UNC5C: variants seen among roughly 807,000 people sequenced by gnomAD.
UNC5C encodes unc-5 netrin receptor C.
In UNC5C, 47 loss-of-function variants were observed where a neutral mutation model predicts 99.8. The observed-to-expected ratio is 0.47, with a 90% CI of 0.37 to 0.60. The LOEUF is 0.60. UNC5C is among the 20% of genes least tolerant of loss of function. The probability of loss-of-function intolerance (pLI) is 0.00; values close to 1 mark genes in which losing one functional copy is unlikely to be tolerated. For missense variants in UNC5C, 1,062 were observed against 1,165.9 expected (o/e 0.91, Z 1.30); for synonymous variants, 487 against 452.2 (o/e 1.08, Z -0.98).
chr4:95,486,242 G>C (rs1207794666), intron 1 of UNC5C, among the ~76,000 whole-genome samples: 3 of 151,642 alleles, frequency 2.0e-5, no homozygotes, highest in Non-Finnish European at 2.9e-5. Flanking sequence ...TGAAGTTACT[G>C]CATGTTCATC....
chr4:95,350,065 C>T (rs969791476), intron 1 of UNC5C, among the ~76,000 whole-genome samples: 5 of 152,032 alleles, frequency 3.3e-5, no homozygotes, highest in Non-Finnish European at 7.4e-5. Context: ...GTCTATTAGT[C>T]TAGTTATGTA....
intron 12 of UNC5C, among the ~76,000 whole-genome samples, chr4:95,191,091 G>T (rs1388454352): frequency 6.6e-6 from 1 of 152,160 alleles, no homozygotes; most frequent in Non-Finnish European, 1.5e-5. Flanking sequence ...GCTCTTAGAT[G>T]AGAGGATCTC....
intron 4 of UNC5C, among the ~76,000 whole-genome samples, chr4:95,269,711 A>AT (rs761307320): frequency 0.031 from 4,503 of 144,040 alleles, 173 homozygotes; most frequent in East Asian, 0.094. Context: ...GGCCTTGACA[A>AT]TTTTTTTTTT....
intron 12 of UNC5C, among the ~76,000 whole-genome samples, chr4:95,190,614 A>G (rs1737042789): frequency 1.3e-5 from 2 of 152,076 alleles, no homozygotes; most frequent in Non-Finnish European, 2.9e-5. Context: ...CACTGCGCCC[A>G]GCCCCCCTTG....
At chr4:95,174,452 T>C (rs1736252635) in intron 14 of UNC5C, among the ~76,000 whole-genome samples, 2 of 152,346 alleles carry the variant, frequency 1.3e-5, no homozygotes, top group South Asian at 4.1e-4. Context: ...GTCTTTGTTC[T>C]CGTTGGTTTC....
At chr4:95,528,328 A>G (rs2149492124) in intron 1 of UNC5C, among the ~76,000 whole-genome samples, 1 of 152,254 alleles carries the variant, frequency 6.6e-6, no homozygotes, top group South Asian at 2.1e-4. Flanking sequence ...GCTTAACTCT[A>G]TCAATTTTCG....
chr4:95,252,121 CAT>C (rs1210621130), intron 4 of UNC5C, among the ~76,000 whole-genome samples: 1 of 152,286 alleles, frequency 6.6e-6, no homozygotes, highest in African/African-American at 2.4e-5. Flanking sequence ...GATATATACT[CAT>C]ATTCACTTGA....
intron 1 of UNC5C, among the ~76,000 whole-genome samples, chr4:95,483,560 T>C (rs1474729115): frequency 1.3e-5 from 2 of 151,778 alleles, no homozygotes; most frequent in Admixed American, 1.3e-4. Context: ...TAAGAATGAA[T>C]TTAGTAAGGC....
chr4:95,285,047 A>G (rs1401020594), intron 3 of UNC5C, among the ~76,000 whole-genome samples: 1 of 152,226 alleles, frequency 6.6e-6, no homozygotes, highest in African/African-American at 2.4e-5. Flanking sequence ...TTAGCTAAGC[A>G]GGCAGGTTGT....
intron 1 of UNC5C, among the ~76,000 whole-genome samples, chr4:95,416,305 T>C (rs1746164172): frequency 6.6e-6 from 1 of 152,086 alleles, no homozygotes; most frequent in Non-Finnish European, 1.5e-5. Context: ...TACATCGTGA[T>C]GTGCACTGTA....
rs1446875500 is a variant in UNC5C at position 95,424,514 on chromosome 4, T to TTTTC, written c.125-88887_125-88884dup. ...ACAGGGCTTCAGAATTTTTTTTTTC[T>TTTTC]TTTCTTTTTTTTTTTTTTTTTTTTT... is the stretch of plus-strand genomic sequence containing the variant. On this transcript the variant is annotated intron_variant, in intron 1 of 15. Coordinates refer to ENST00000453304, the MANE Select transcript of UNC5C (RefSeq NM_003728.4). Among the ~76,000 whole-genome samples the TTTTC allele has an allele frequency of 3.8e-3, 479 of 125,500 alleles. 1 individual carries two copies. The highest frequency in any genetic ancestry group is 0.016 in the Middle Eastern group (4 of 250). The allele number at this position is 125,500 out of a possible 152,430, so 82.3% of individuals were successfully genotyped here. A position where few individuals can be genotyped will look rare whatever the true frequency, so the allele number is the denominator to read the frequency against.
chr4:95,514,980 G>A (rs921521059), intron 1 of UNC5C, among the ~76,000 whole-genome samples: 4 of 151,932 alleles, frequency 2.6e-5, no homozygotes, highest in African/African-American at 7.2e-5. Flanking sequence ...CCCTAAATGA[G>A]GAGATATTTA....
intron 1 of UNC5C, among the ~76,000 whole-genome samples, chr4:95,385,103 G>A (rs943182713): frequency 6.6e-6 from 1 of 152,104 alleles, no homozygotes; most frequent in African/African-American, 2.4e-5. Context: ...TCAACCATTA[G>A]AACAATTATG....
At chr4:95,403,327 T>A (rs1046801802) in intron 1 of UNC5C, among the ~76,000 whole-genome samples, 3 of 152,186 alleles carry the variant, frequency 2.0e-5, no homozygotes, top group African/African-American at 7.2e-5. Context: ...ATCTCGGGCA[T>A]GTTCTTGAAC....
chr4:95,238,043 A>C (rs3068188), intron 7 of UNC5C, among the ~76,000 whole-genome samples: 4,371 of 102,496 alleles, frequency 0.043, 85 homozygotes, highest in South Asian at 0.13. Context: ...TCTCTAAATA[A>C]ATACATACAT....
At chr4:95,361,545 A>T (rs1251900852) in intron 1 of UNC5C, among the ~76,000 whole-genome samples, 1 of 152,190 alleles carries the variant, frequency 6.6e-6, no homozygotes, top group East Asian at 1.9e-4. Context: ...GTCTCCTGTG[A>T]GTGTGGGCTG....
At chr4:95,257,787 T>G (rs1308748965) in intron 4 of UNC5C, among the ~76,000 whole-genome samples, 6 of 152,236 alleles carry the variant, frequency 3.9e-5, no homozygotes, top group African/African-American at 1.4e-4. Flanking sequence ...GGACTTCTGC[T>G]TCTTTTGGAT....
intron 12 of UNC5C, among the ~76,000 whole-genome samples, chr4:95,200,443 TG>T (rs1175701944): frequency 6.6e-6 from 1 of 152,248 alleles, no homozygotes; most frequent in Non-Finnish European, 1.5e-5. Flanking sequence ...GCCAGTTGCC[TG>T]GGCATGAAGC....
chr4:95,174,817 T>C (rs1281436738), intron 14 of UNC5C, among the ~76,000 whole-genome samples: 3 of 146,040 alleles, frequency 2.1e-5, no homozygotes, highest in Non-Finnish European at 3.0e-5. Flanking sequence ...TCTGTCTCAT[T>C]GATCTGTCTG....
Sources: allele counts gnomAD v4.1 joint callset (sites outside exome capture counted in the v4.1 genomes callset), GRCh38; gene constraint gnomAD v4.1.1; transcripts MANE v1.5; gene names NCBI Gene and HGNC (gene_info 2026-07-23, HGNC 2026-07-21).